The following EXD1 variants were observed in gnomAD, a reference collection of about 807,000 sequenced individuals.
EXD1 encodes the protein piRNA biogenesis protein EXD1.
EXD1 carries 63 observed loss-of-function variants against 49.1 expected under a neutral mutation model. The observed-to-expected ratio is 1.28, with a 90% CI of 1.05 to 1.58. The LOEUF (loss-of-function observed/expected upper bound fraction) is 1.58. Among genes scored for constraint, EXD1 ranks in the 40% most tolerant of loss-of-function variants. The probability of loss-of-function intolerance (pLI) is 0.00; values close to 1 mark genes in which losing one functional copy is unlikely to be tolerated. For synonymous variants in EXD1, 234 were observed against 239.2 expected, an observed-to-expected ratio of 0.98 and a Z score of 0.20; for missense variants, 748 against 666.0, an observed-to-expected ratio of 1.12 and a Z score of -1.36.
At position 41,183,114 on chromosome 15, in the gene EXD1, A is replaced by AC. The variant is rs1297382361; in HGVS notation, c.*816dup. ...AGACCAGCCTGGCCAACATGGTGAAACCCCATCTCTACTAAAAATACAAAA... is the reference window on the plus strand; with the variant it reads ...AGACCAGCCTGGCCAACATGGTGAAACCCCCATCTCTACTAAAAATACAAAA... On this transcript the variant is annotated 3_prime_UTR_variant, in exon 12 of 12. Transcript: ENST00000458580. 1 of 152,242 alleles carries AC rather than the reference A, an allele frequency of 6.6e-6. No homozygotes were observed. Among genetic ancestry groups the AC allele is most frequent in the Non-Finnish European group, 1.5e-5 (1 of 68,080 alleles). 9.4% of individuals were successfully genotyped at this position (152,242 alleles called of 1,614,324 possible). A position where few individuals can be genotyped will look rare whatever the true frequency, so the allele number is the denominator to read the frequency against.
intron 2 of EXD1, among the ~76,000 whole-genome samples, chr15:41,223,006 A>G (rs545194858): frequency 6.6e-6 from 1 of 150,626 alleles, no homozygotes; most frequent in African/African-American, 2.4e-5. Flanking sequence ...GCTGGAGTGC[A>G]GGAGCACAAT....
chr15:41,221,520 C>A (rs1336951251), intron 2 of EXD1, among the ~76,000 whole-genome samples: 1 of 152,038 alleles, frequency 6.6e-6, no homozygotes, highest in African/African-American at 2.4e-5. Context: ...GCCATCCTTC[C>A]ACCTCAGCCT....
At position 41,184,189 on chromosome 15, in the gene EXD1, G is replaced by A; in HGVS notation, c.1461C>T (p.His487=). ...GAAACTCATGTTTGGGTGTCATAAA[G>A]TGTTCTTTCTGAGTTATTCTCTGGT... ...SEDQRITQKE[H]FMTPKHEFQA... is the part of the protein sequence containing the mutation. The change falls in exon 12 of 12, where the codon CAC becomes CAT. Residue 487 remains histidine (H), a synonymous_variant. Transcript: ENST00000458580. The A allele has an allele frequency of 6.2e-7, 1 of 1,614,202 alleles. No individual in the cohort carries two copies. Among genetic ancestry groups the A allele is most frequent in the African/African-American group, 1.3e-5 (1 of 75,044 alleles).
chr15:41,203,586 G>C (rs1307444946), intron 7 of EXD1, among the ~76,000 whole-genome samples: 1 of 151,968 alleles, frequency 6.6e-6, no homozygotes, highest in South Asian at 2.1e-4. Flanking sequence ...AGGCGATCAC[G>C]GAAACCAGAA....
At chr15:41,187,534 T>C (rs2046432677) in intron 11 of EXD1, among the ~76,000 whole-genome samples, 1 of 152,156 alleles carries the variant, frequency 6.6e-6, no homozygotes, top group Admixed American at 6.6e-5. Flanking sequence ...GTTAGAAAAG[T>C]TACCATCTAT....
intron 1 of EXD1, among the ~76,000 whole-genome samples, chr15:41,227,066 C>G (rs1045248433): frequency 2.0e-5 from 3 of 152,100 alleles, no homozygotes; most frequent in Admixed American, 2.0e-4. Context: ...TTTTATAACT[C>G]TGGTTGAGAA....
At chr15:41,187,351 A>C (rs2046428384) in intron 11 of EXD1, among the ~76,000 whole-genome samples, 1 of 152,136 alleles carries the variant, frequency 6.6e-6, no homozygotes, top group Admixed American at 6.6e-5. Flanking sequence ...TGGCCTCCCA[A>C]AGTGCTGGGA....
rs1490754307 is a variant in EXD1 at position 41,219,922 on chromosome 15, A to G, written c.134-24T>C. The G allele has an allele frequency of 4.6e-6, 7 of 1,520,164 alleles. No individual in the cohort carries two copies. In the South Asian group the frequency reaches 7.3e-5, roughly 16 times the overall value. 94.2% of individuals were successfully genotyped at this position (1,520,164 alleles called of 1,614,324 possible). A position where few individuals can be genotyped will look rare whatever the true frequency, so the allele number is the denominator to read the frequency against. On this transcript the variant is annotated intron_variant, in intron 2 of 11. Coordinates refer to ENST00000458580, the MANE Select transcript of EXD1 (RefSeq NM_001286441.2). ...CACTGTTACAGAAAACAATTCATTC[A>G]GTTAATTAAAATATTTTCCTAAAAC...
intron 7 of EXD1, among the ~76,000 whole-genome samples, chr15:41,200,177 T>C (rs1161961817): frequency 1.3e-5 from 2 of 152,076 alleles, no homozygotes; most frequent in Non-Finnish European, 2.9e-5. Context: ...CCCTAAGCGC[T>C]AGAAGTACAT....
chr15:41,188,989 A>T (rs1460611410), intron 11 of EXD1, among the ~76,000 whole-genome samples: 1 of 151,214 alleles, frequency 6.6e-6, no homozygotes, highest in African/African-American at 2.4e-5. Context: ...TTTTTAGTAG[A>T]GATGGGGTTT....
At chr15:41,224,597 A>G (rs893459194) in intron 2 of EXD1, among the ~76,000 whole-genome samples, 14 of 152,050 alleles carry the variant, frequency 9.2e-5, no homozygotes, top group African/African-American at 3.4e-4. Flanking sequence ...AAAAAAAGAA[A>G]CATTAAATCA....
At chr15:41,223,336 C>G (rs572389247) in intron 2 of EXD1, among the ~76,000 whole-genome samples, 3 of 152,086 alleles carry the variant, frequency 2.0e-5, no homozygotes, top group African/African-American at 7.2e-5. Flanking sequence ...AGGAAAATCA[C>G]TTGTGCCCAG....
intron 6 of EXD1, among the ~76,000 whole-genome samples, chr15:41,211,438 TA>T (rs1328100150): frequency 6.6e-6 from 1 of 152,080 alleles, no homozygotes; most frequent in Non-Finnish European, 1.5e-5. Flanking sequence ...TTTTTTTTTT[TA>T]TTGTTGTCAC....
chr15:41,206,869 C>T (rs1281994065), intron 7 of EXD1, among the ~76,000 whole-genome samples: 1 of 147,560 alleles, frequency 6.8e-6, no homozygotes, highest in Non-Finnish European at 1.5e-5. Flanking sequence ...ATCTGCCCAC[C>T]GTAGCCTCCC....
intron 5 of EXD1, 56 bp downstream of exon 5, chr15:41,216,612 C>T: frequency 1.3e-6 from 2 of 1,530,622 alleles, no homozygotes; most frequent in African/African-American, 1.4e-5. Context: ...GCCTGGGCAA[C>T]AAGAGCGAAA....
intron 7 of EXD1, among the ~76,000 whole-genome samples, chr15:41,203,871 C>T (rs8028303): frequency 0.28 from 36,949 of 133,452 alleles, 6,380 homozygotes; most frequent in African/African-American, 0.51. Flanking sequence ...GAGCCAAGAT[C>T]GTGCCATTGC....
chr15:41,199,696 A>G (rs1363420024), intron 7 of EXD1, among the ~76,000 whole-genome samples: 1 of 56,542 alleles, frequency 1.8e-5, no homozygotes, highest in Non-Finnish European at 4.3e-5. Flanking sequence ...TATGAGATAT[A>G]TTACATATAT....
chr15:41,197,403 C>CT (rs1449369509), intron 7 of EXD1, among the ~76,000 whole-genome samples: 2 of 150,884 alleles, frequency 1.3e-5, no homozygotes, highest in African/African-American at 4.9e-5. Context: ...AATTGTTTTT[C>CT]TTTTTGTATT....
At chr15:41,216,907 A>T in intron 4 of EXD1, 112 bp from the exon 5 acceptor site, 2 of 1,494,738 alleles carry the variant, frequency 1.3e-6, no homozygotes, top group Non-Finnish European at 1.8e-6. Context: ...TAACTAGAGG[A>T]CCCATTCATC....
Sources: allele counts gnomAD v4.1 joint callset (sites outside exome capture counted in the v4.1 genomes callset), GRCh38; gene constraint gnomAD v4.1.1; transcripts MANE v1.5; gene names NCBI Gene and HGNC (gene_info 2026-07-23, HGNC 2026-07-21).